ABCD3: variants seen among roughly 807,000 people sequenced by gnomAD.
The protein encoded by ABCD3 is ATP-binding cassette sub-family D member 3.
In ABCD3, 41 loss-of-function variants were observed where a neutral mutation model predicts 105.5. The ratio of observed to expected loss-of-function variants is 0.39; its 90% CI spans 0.30 to 0.50. The LOEUF is 0.50. ABCD3 is among the 20% of genes least tolerant of loss of function. The pLI, the probability that ABCD3 is intolerant of heterozygous loss-of-function variation, is 0.84. For missense variants in ABCD3, 622 were observed against 806.3 expected (o/e 0.77, Z 2.77); for synonymous variants, 258 against 269.0 (o/e 0.96, Z 0.40).
chr1:94,464,986 C>A, intron 3 of ABCD3, 113 bp downstream of exon 3: 1 of 920,480 alleles, frequency 1.1e-6, no homozygotes, highest in Non-Finnish European at 1.7e-6. Flanking sequence ...GATCTGCAGG[C>A]TGTACAAGCA....
intron 1 of ABCD3, among the ~76,000 whole-genome samples, chr1:94,452,895 G>A (rs1336407469): frequency 6.6e-6 from 1 of 151,856 alleles, no homozygotes; most frequent in Non-Finnish European, 1.5e-5. Flanking sequence ...GCACCACCAC[G>A]CCCAGCTAAT....
intron 20 of ABCD3, 32 bp downstream of exon 20, chr1:94,499,646 T>C: frequency 6.2e-7 from 1 of 1,612,164 alleles, no homozygotes; most frequent in South Asian, 1.1e-5. Flanking sequence ...TGCACAAGAA[T>C]GCAACTGGTT....
At chr1:94,420,584 A>G (rs1031509650) in intron 1 of ABCD3, among the ~76,000 whole-genome samples, 1 of 152,140 alleles carries the variant, frequency 6.6e-6, no homozygotes, top group Admixed American at 6.5e-5. Context: ...TTGTTGGAGG[A>G]GATTGCAGAT....
At chr1:94,391,608 AAAT>A in the ABCD3 span, among the ~76,000 whole-genome samples, 96,935 of 151,640 alleles carry the variant, frequency 0.64, 31,022 homozygotes, top group Middle Eastern at 0.82. Context: ...CAAAGTGCTC[AAAT>A]AATGAGTGCT....
intron 1 of ABCD3, among the ~76,000 whole-genome samples, chr1:94,439,556 G>A (rs570400759): frequency 2.0e-5 from 3 of 152,240 alleles, no homozygotes; most frequent in South Asian, 2.1e-4. Flanking sequence ...ACAGGAGAAC[G>A]TGGGAGGTAG....
intron 21 of ABCD3, among the ~76,000 whole-genome samples, chr1:94,509,785 T>A (rs527987539): frequency 4.6e-5 from 7 of 152,328 alleles, no homozygotes; most frequent in African/African-American, 1.7e-4. Context: ...TAGAGGTGTT[T>A]GTAGTATTCT....
Position 94,474,717 on chromosome 1 carries a change from C to T in ABCD3, c.406-426C>T, listed in dbSNP as rs890850272. 5.7e-5 allele frequency among the ~76,000 whole-genome samples: 8 copies of T among 140,956 alleles called. No homozygotes were observed. In the Admixed American group the frequency reaches 5.9e-4, roughly 10 times the overall value. 92.5% of individuals were successfully genotyped at this position (140,956 alleles called of 152,430 possible). On this transcript the variant is annotated intron_variant, in intron 5 of 22. Coordinates refer to ENST00000370214, the MANE Select transcript of ABCD3 (RefSeq NM_002858.4). ...AAAATAGCATTAGTTGGTGTAAAACCTGTAGTGTTTTTTTTTTTTAACAAA... is the reference window on the plus strand; with the variant it reads ...AAAATAGCATTAGTTGGTGTAAAACTTGTAGTGTTTTTTTTTTTTAACAAA...
At chr1:94,452,120 C>T (rs1433124369) in intron 1 of ABCD3, among the ~76,000 whole-genome samples, 1 of 152,140 alleles carries the variant, frequency 6.6e-6, no homozygotes, top group African/African-American at 2.4e-5. Context: ...ATTTATTATC[C>T]TAACTGGTAC....
intron 3 of ABCD3, 114 bp from the exon 4 acceptor site, chr1:94,467,805 A>G (rs1557675479): frequency 5.6e-6 from 4 of 718,620 alleles, no homozygotes; most frequent in Non-Finnish European, 1.0e-5. Flanking sequence ...AGCCAACTAT[A>G]TTGAAACTTA....
intron 1 of ABCD3, among the ~76,000 whole-genome samples, chr1:94,424,311 C>T (rs1244203391): frequency 3.9e-5 from 6 of 152,160 alleles, no homozygotes; most frequent in Admixed American, 3.3e-4. Context: ...GCTGTTTCCC[C>T]TGCCTGAAGT....
chr1:94,427,444 C>G (rs1659509036), intron 1 of ABCD3, among the ~76,000 whole-genome samples: 1 of 152,132 alleles, frequency 6.6e-6, no homozygotes, highest in Non-Finnish European at 1.5e-5. Flanking sequence ...CTAAAAGTTA[C>G]CACTTCCTTC....
At chr1:94,415,869 T>G (rs921585364), upstream of ABCD3, among the ~76,000 whole-genome samples, 1 of 152,186 alleles carries the variant, frequency 6.6e-6, no homozygotes, top group African/African-American at 2.4e-5. Context: ...TTTTGAGACA[T>G]GGCCACAATT....
At chr1:94,504,802 T>C (rs1650271357) in intron 20 of ABCD3, among the ~76,000 whole-genome samples, 1 of 152,164 alleles carries the variant, frequency 6.6e-6, no homozygotes, top group African/African-American at 2.4e-5. Context: ...GCAGCAGAAG[T>C]GGTAGGAGGC....
chr1:94,412,741 G>A, the ABCD3 span, among the ~76,000 whole-genome samples: 2 of 152,190 alleles, frequency 1.3e-5, no homozygotes, highest in Non-Finnish European at 2.9e-5. Flanking sequence ...CTCAGAACTA[G>A]TAATCAAAAA....
At chr1:94,393,297 G>C in the ABCD3 span, among the ~76,000 whole-genome samples, 1 of 151,936 alleles carries the variant, frequency 6.6e-6, no homozygotes, top group African/African-American at 2.4e-5. Context: ...AAGAGGAGGA[G>C]AAAGGGGGAA....
intron 7 of ABCD3, among the ~76,000 whole-genome samples, chr1:94,476,590 A>G (rs1460027353): frequency 6.6e-6 from 1 of 152,134 alleles, no homozygotes; most frequent in Non-Finnish European, 1.5e-5. Context: ...TTTTGAGACA[A>G]AAGAAAACCA....
At chr1:94,429,603 C>T (rs547806228) in intron 1 of ABCD3, among the ~76,000 whole-genome samples, 7 of 152,340 alleles carry the variant, frequency 4.6e-5, no homozygotes, top group African/African-American at 1.7e-4. Flanking sequence ...CAGGCTGTGG[C>T]TTCAGAGGGT....
At chr1:94,422,071 A>G (rs1659278507) in intron 1 of ABCD3, among the ~76,000 whole-genome samples, 1 of 152,116 alleles carries the variant, frequency 6.6e-6, no homozygotes, top group Non-Finnish European at 1.5e-5. Context: ...CCCAGCTGAT[A>G]CTTCTTTTTC....
Position 94,510,448 on chromosome 1 carries a change from GA to G in ABCD3, c.1845+3813del, listed in dbSNP as rs1194596924. ...TTTGGAATAGGTGTGGTGTGGTGCT[GA>G]AAAAAATGTGTATTCTGTTGATTTG... On this transcript the variant is annotated intron_variant, in intron 21 of 22. Transcript: ENST00000370214. 3.3e-5 allele frequency among the ~76,000 whole-genome samples: 5 copies of G among 152,210 alleles called. No individual in the cohort carries two copies. In the East Asian group the frequency reaches 7.7e-4, roughly 24 times the overall value.
Sources: gnomAD v4.1 joint callset for allele counts (sites outside exome capture counted in the v4.1 genomes callset) on GRCh38, gnomAD v4.1.1 for gene constraint, MANE v1.5 for transcripts, NCBI Gene and HGNC (gene_info 2026-07-23, HGNC 2026-07-21) for gene names.